Variants in ATP8A2 observed in about 807,000 individuals in gnomAD.
ATP8A2 encodes ATPase phospholipid transporting 8A2, also known as phospholipid-transporting ATPase IB.
In ATP8A2, 100 loss-of-function variants were observed where a neutral mutation model predicts 165.6. The ratio of observed to expected loss-of-function variants is 0.60; its 90% CI spans 0.51 to 0.71. The LOEUF (loss-of-function observed/expected upper bound fraction) is 0.71. Among genes scored for constraint, ATP8A2 ranks in the 30% least tolerant of loss-of-function variants. ATP8A2 has a pLI of 0.00. For synonymous variants in ATP8A2, 543 were observed against 548.8 expected, an observed-to-expected ratio of 0.99 and a Z score of 0.15; for missense variants, 1,227 against 1,479.5, an observed-to-expected ratio of 0.83 and a Z score of 2.80.
chr13:25,741,203 C>G (rs1257712978), intron 25 of ATP8A2, among the ~76,000 whole-genome samples: 2 of 152,122 alleles, frequency 1.3e-5, no homozygotes, highest in Non-Finnish European at 2.9e-5. Context: ...TTGATGAGCA[C>G]TGGATATAAG....
chr13:25,701,162 AC>A, intron 25 of ATP8A2, among the ~76,000 whole-genome samples: 1 of 152,254 alleles, frequency 6.6e-6, no homozygotes, highest in Middle Eastern at 3.4e-3. Flanking sequence ...TGATAGTATT[AC>A]TTGCAGCAAA....
At chr13:25,918,502 A>G (rs1161795312) in intron 33 of ATP8A2, among the ~76,000 whole-genome samples, 4 of 152,234 alleles carry the variant, frequency 2.6e-5, no homozygotes, top group African/African-American at 4.8e-5. Context: ...TGAAAAACCA[A>G]TGTCTGTTAC....
At chr13:25,375,382 T>C (rs1470047672) in intron 1 of ATP8A2, among the ~76,000 whole-genome samples, 2 of 152,066 alleles carry the variant, frequency 1.3e-5, no homozygotes, top group African/African-American at 4.8e-5. Context: ...ATTAAGGGTG[T>C]ACATGTGAAT....
chr13:25,480,027 G>GC (rs1166938176), intron 2 of ATP8A2, among the ~76,000 whole-genome samples: 2 of 151,824 alleles, frequency 1.3e-5, no homozygotes, highest in African/African-American at 2.4e-5. Context: ...GGACGGGGTG[G>GC]TGGCCAGGCA....
chr13:25,722,278 G>A (rs942766186), intron 25 of ATP8A2, among the ~76,000 whole-genome samples: 1 of 152,098 alleles, frequency 6.6e-6, no homozygotes, highest in African/African-American at 2.4e-5. Flanking sequence ...CTTCCTTGAT[G>A]GCAGTAGCTG....
chr13:25,769,295 G>T, intron 26 of ATP8A2, 66 bp downstream of exon 26: 3 of 1,505,384 alleles, frequency 2.0e-6, no homozygotes, highest in Non-Finnish European at 2.7e-6. Flanking sequence ...TGAGGACCTG[G>T]CGTTTAACCT....
intron 30 of ATP8A2, among the ~76,000 whole-genome samples, chr13:25,842,303 G>A (rs1300752011): frequency 6.6e-6 from 1 of 152,144 alleles, no homozygotes; most frequent in African/African-American, 2.4e-5. Context: ...AAACTGAGCA[G>A]CTGAAAGGTG....
At chr13:25,978,360 T>C (rs1260379343) in intron 35 of ATP8A2, among the ~76,000 whole-genome samples, 1 of 152,198 alleles carries the variant, frequency 6.6e-6, no homozygotes, top group African/African-American at 2.4e-5. Context: ...GCTTCCCGTT[T>C]TGCCTACCTC....
chr13:25,562,929 G>C (rs1383051430), intron 15 of ATP8A2, among the ~76,000 whole-genome samples: 1 of 152,206 alleles, frequency 6.6e-6, no homozygotes, highest in Non-Finnish European at 1.5e-5. Flanking sequence ...GTACCTCACA[G>C]GTGCCTTGTG....
At chr13:25,850,755 T>G (rs1051393502) in intron 30 of ATP8A2, among the ~76,000 whole-genome samples, 2 of 152,242 alleles carry the variant, frequency 1.3e-5, no homozygotes, top group African/African-American at 4.8e-5. Context: ...CAACTTGCTT[T>G]AGGAATAAAC....
chr13:25,867,552 T>C (rs1952543031), intron 33 of ATP8A2, among the ~76,000 whole-genome samples: 1 of 152,124 alleles, frequency 6.6e-6, no homozygotes, highest in African/African-American at 2.4e-5. Flanking sequence ...GGGGCATGTT[T>C]GGTTGTCCCA....
Position 25,992,934 on chromosome 13 carries a change from C to T in ATP8A2, c.3378-19597C>T, listed in dbSNP as rs1179861821. ...ATTCCCACCTATGAGTGAGAATATG[C>T]GGTGTTTGGTTTTTTGTTCTTGCGA... On this transcript the variant is annotated intron_variant, in intron 35 of 36. Transcript: ENST00000381655. Among the ~76,000 whole-genome samples the T allele has an allele frequency of 1.0e-3, 151 of 144,384 alleles. 3 individuals carry two copies. Among genetic ancestry groups the T allele is most frequent in the Middle Eastern group, 3.5e-3 (1 of 282 alleles). 94.7% of individuals were successfully genotyped at this position (144,384 alleles called of 152,430 possible).
At chr13:25,643,071 G>A (rs907963855) in intron 24 of ATP8A2, among the ~76,000 whole-genome samples, 13 of 152,146 alleles carry the variant, frequency 8.5e-5, no homozygotes, top group African/African-American at 3.1e-4. Flanking sequence ...TGTGGGATGG[G>A]GGGAGGGGAG....
At chr13:25,946,438 T>C (rs1194439130) in intron 33 of ATP8A2, among the ~76,000 whole-genome samples, 1 of 152,150 alleles carries the variant, frequency 6.6e-6, no homozygotes, top group African/African-American at 2.4e-5. Context: ...CATGATGTAG[T>C]TCAAGGTTGG....
At chr13:25,884,096 C>A (rs1953066004) in intron 33 of ATP8A2, among the ~76,000 whole-genome samples, 1 of 152,178 alleles carries the variant, frequency 6.6e-6, no homozygotes, top group South Asian at 2.1e-4. Flanking sequence ...CTCAGTGTTA[C>A]TCCCTTGTAC....
At chr13:25,529,931 T>G in intron 2 of ATP8A2, 68 bp from the exon 3 acceptor site, 2 of 875,728 alleles carry the variant, frequency 2.3e-6, no homozygotes, top group Non-Finnish European at 1.8e-6. Context: ...TCTAAACTTC[T>G]TGTCCTGTTC....
chr13:25,475,320 C>A (rs938377542), intron 2 of ATP8A2, among the ~76,000 whole-genome samples: 2 of 152,202 alleles, frequency 1.3e-5, no homozygotes, highest in African/African-American at 4.8e-5. Context: ...TGGTCTCCCC[C>A]TCATTCCACA....
intron 31 of ATP8A2, 42 bp downstream of exon 31, chr13:25,860,298 A>G (rs1356256797): frequency 7.4e-7 from 1 of 1,357,012 alleles, no homozygotes; most frequent in Non-Finnish European, 1.1e-6. Flanking sequence ...TAAACAGCTT[A>G]TGTGTGGCTT....
At chr13:25,940,027 G>T (rs1004411326) in intron 33 of ATP8A2, among the ~76,000 whole-genome samples, 5 of 152,148 alleles carry the variant, frequency 3.3e-5, no homozygotes, top group Non-Finnish European at 7.3e-5. Flanking sequence ...GGCGAAACGT[G>T]AAAGGATGTG....
Sources: gnomAD v4.1 joint callset for allele counts (sites outside exome capture counted in the v4.1 genomes callset) on GRCh38, gnomAD v4.1.1 for gene constraint, MANE v1.5 for transcripts, NCBI Gene and HGNC (gene_info 2026-07-23, HGNC 2026-07-21) for gene names.